Variants in CLASP2 observed in about 807,000 individuals in gnomAD.
CLASP2 encodes CLIP-associating protein 2.
In CLASP2, 47 loss-of-function variants were observed where a neutral mutation model predicts 194.4. That is an observed-to-expected ratio of 0.24 (90% CI 0.19 to 0.31). The LOEUF is 0.31. Among genes scored for constraint, CLASP2 ranks in the 10% least tolerant of loss-of-function variants. CLASP2 has a pLI of 1.00. For synonymous variants in CLASP2, 619 were observed against 633.5 expected (o/e 0.98, Z 0.34); for missense variants, 1,445 against 1,823.6 (o/e 0.79, Z 3.78).
chr3:33,534,493 C>A (rs1186047150), intron 34 of CLASP2, among the ~76,000 whole-genome samples: 1 of 152,096 alleles, frequency 6.6e-6, no homozygotes, highest in African/African-American at 2.4e-5. Context: ...CTTGAGCCTA[C>A]GAGGACAAGG....
At chr3:33,614,219 T>C (rs2075714852) in intron 12 of CLASP2, among the ~76,000 whole-genome samples, 1 of 152,070 alleles carries the variant, frequency 6.6e-6, no homozygotes, top group African/African-American at 2.4e-5. Context: ...GAAAACAAAG[T>C]ATAAAGAGTA....
At chr3:33,526,631 TGACA>T (rs2054635550) in intron 34 of CLASP2, among the ~76,000 whole-genome samples, 1 of 152,194 alleles carries the variant, frequency 6.6e-6, no homozygotes, top group Non-Finnish European at 1.5e-5. Context: ...CAAATGGATC[TGACA>T]GACCTTTATA....
At chr3:33,542,407 GA>G (rs975920821) in intron 32 of CLASP2, among the ~76,000 whole-genome samples, 4 of 147,528 alleles carry the variant, frequency 2.7e-5, no homozygotes, top group Admixed American at 6.8e-5. Flanking sequence ...CATATATAAT[GA>G]AAAAAATTAA....
chr3:33,527,601 C>T (rs1250776899), intron 34 of CLASP2, among the ~76,000 whole-genome samples: 1 of 152,098 alleles, frequency 6.6e-6, no homozygotes, highest in African/African-American at 2.4e-5. Flanking sequence ...GGAAAGACTC[C>T]TTCACAACTC....
intron 9 of CLASP2, among the ~76,000 whole-genome samples, chr3:33,629,173 T>C (rs934653906): frequency 1.2e-4 from 18 of 152,116 alleles, no homozygotes; most frequent in African/African-American, 3.9e-4. Context: ...TTTGGAAAAG[T>C]TGACTGTGAG....
At chr3:33,571,559 C>CG (rs1458820263) in intron 25 of CLASP2, among the ~76,000 whole-genome samples, 2 of 150,924 alleles carry the variant, frequency 1.3e-5, no homozygotes, top group African/African-American at 2.4e-5. Flanking sequence ...TGCTTGAACC[C>CG]GGGGGGCAGA....
At chr3:33,502,835 CTGT>C (rs1236268088) in intron 37 of CLASP2, 3 of 152,128 alleles carry the variant, frequency 2.0e-5, no homozygotes, top group Non-Finnish European at 1.5e-5. Flanking sequence ...TGCAATCAAA[CTGT>C]TAATTTTATT....
At chr3:33,574,437 G>A (rs1005051471) in intron 24 of CLASP2, 1 of 1,344,406 alleles carries the variant, frequency 7.4e-7, no homozygotes, top group South Asian at 1.4e-5. Context: ...AAAAGTTATG[G>A]TATCATAAGA....
chr3:33,530,869 T>C (rs1443060608), intron 34 of CLASP2, among the ~76,000 whole-genome samples: 1 of 152,166 alleles, frequency 6.6e-6, no homozygotes, highest in Non-Finnish European at 1.5e-5. Flanking sequence ...TTTTCATGGA[T>C]TGGAACACTT....
intron 6 of CLASP2, among the ~76,000 whole-genome samples, chr3:33,672,335 G>C (rs113135466): frequency 4.6e-5 from 7 of 152,180 alleles, no homozygotes; most frequent in Non-Finnish European, 7.3e-5. Context: ...AGGCAAACAG[G>C]GTCTGGAGTG....
intron 12 of CLASP2, among the ~76,000 whole-genome samples, chr3:33,615,030 G>A (rs570878016): frequency 3.3e-5 from 5 of 151,984 alleles, no homozygotes; most frequent in South Asian, 2.1e-4. Flanking sequence ...GAAGTTCAAC[G>A]GTCAAATTTT....
intron 2 of CLASP2, among the ~76,000 whole-genome samples, chr3:33,694,997 GAGAA>G (rs1258376251): frequency 1.3e-5 from 2 of 149,370 alleles, no homozygotes; most frequent in Non-Finnish European, 3.0e-5. Flanking sequence ...GAGACAGTGA[GAGAA>G]AGAAAGAAAC....
intron 22 of CLASP2, among the ~76,000 whole-genome samples, chr3:33,582,267 T>C (rs777753487): frequency 7.9e-5 from 12 of 152,188 alleles, no homozygotes; most frequent in Non-Finnish European, 1.8e-4. Flanking sequence ...GTATCTTAGG[T>C]TAAAATCTTG....
At position 33,622,166 on chromosome 3, in the gene CLASP2, G is replaced by A; in HGVS notation, c.1150C>T (p.Gln384Ter). The A allele has an allele frequency of 6.3e-7, 1 of 1,596,454 alleles. No individual in the cohort carries two copies. Among genetic ancestry groups the A allele is most frequent in the Non-Finnish European group, 8.5e-7 (1 of 1,172,836 alleles). Reference sequence around the variant, plus strand: ...GTAATACAAGCTTCTCTAACCACCTGGGATCTAAGATCCTTAGCTGAAAGT... The same window carrying A: ...GTAATACAAGCTTCTCTAACCACCTAGGATCTAAGATCCTTAGCTGAAAGT... ...LKLSAKDLRSQVVREACITVA... is the reference protein window; with the variant it reads ...LKLSAKDLRS Residue 384 changes from glutamine to a stop codon, truncating the protein, a stop_gained, in exon 11 of 39, where the codon CAG becomes TAG. Coordinates refer to ENST00000682230, the MANE Select transcript of CLASP2 (RefSeq NM_001365631.1). LOFTEE classifies it high-confidence loss of function.
chr3:33,625,563 C>CTT (rs201541782), intron 10 of CLASP2, among the ~76,000 whole-genome samples: 2 of 139,158 alleles, frequency 1.4e-5, no homozygotes, highest in South Asian at 2.3e-4. Context: ...TGATCTCTCT[C>CTT]TTTTTTTTTT....
intron 8 of CLASP2, among the ~76,000 whole-genome samples, chr3:33,642,387 T>C (rs925747513): frequency 6.6e-6 from 1 of 151,788 alleles, no homozygotes; most frequent in Non-Finnish European, 1.5e-5. Flanking sequence ...ACAAAAAAAC[T>C]ACACAATGAA....
At chr3:33,572,369 T>G (rs1412007306) in intron 25 of CLASP2, among the ~76,000 whole-genome samples, 1 of 152,232 alleles carries the variant, frequency 6.6e-6, no homozygotes, top group Non-Finnish European at 1.5e-5. Context: ...ACATTTATTT[T>G]AAATTATATA....
intron 16 of CLASP2, 77 bp downstream of exon 16, chr3:33,606,514 T>C (rs1178961831): frequency 3.5e-6 from 4 of 1,159,100 alleles, no homozygotes; most frequent in East Asian, 4.7e-5. Flanking sequence ...CAAACAGATA[T>C]TCAAGTATCC....
intron 11 of CLASP2, among the ~76,000 whole-genome samples, chr3:33,620,601 G>A (rs2076949282): frequency 6.6e-6 from 1 of 152,142 alleles, no homozygotes; most frequent in Non-Finnish European, 1.5e-5. Context: ...TGAAAAGCAG[G>A]GAGGTGTGGA....
Sources: gnomAD v4.1 joint callset for allele counts (sites outside exome capture counted in the v4.1 genomes callset) on GRCh38, gnomAD v4.1.1 for gene constraint, MANE v1.5 for transcripts, NCBI Gene and HGNC (gene_info 2026-07-23, HGNC 2026-07-21) for gene names.